The following LPP variants were observed in gnomAD, a reference collection of about 807,000 sequenced individuals.
LPP encodes LIM domain containing preferred translocation partner in lipoma.
Under a neutral mutation model 60.4 loss-of-function variants are expected in LPP, and 38 were observed. That is an observed-to-expected ratio of 0.63 (90% CI 0.49 to 0.83). LPP has a LOEUF of 0.83. Among genes scored for constraint, LPP ranks in the 40% least tolerant of loss-of-function variants. The pLI is 0.00. For missense variants in LPP, 902 were observed against 783.6 expected, an observed-to-expected ratio of 1.15 and a Z score of -1.80; for synonymous variants, 328 against 290.8, an observed-to-expected ratio of 1.13 and a Z score of -1.30.
At chr3:188,848,438 C>T (rs1324015220) in intron 9 of LPP, among the ~76,000 whole-genome samples, 1 of 152,176 alleles carries the variant, frequency 6.6e-6, no homozygotes, top group Non-Finnish European at 1.5e-5. Flanking sequence ...ATATTCATGT[C>T]GCACTCTTGC....
intron 9 of LPP, among the ~76,000 whole-genome samples, chr3:188,835,290 C>T (rs1301889202): frequency 7.7e-6 from 1 of 129,546 alleles, no homozygotes; most frequent in African/African-American, 2.9e-5. Context: ...AAAACTGTCT[C>T]TACTAAAAAT....
chr3:188,215,985 A>AT (rs1227200121), intron 1 of LPP, among the ~76,000 whole-genome samples: 1 of 152,192 alleles, frequency 6.6e-6, no homozygotes, highest in Non-Finnish European at 1.5e-5. Flanking sequence ...CCCATAGCTA[A>AT]ATTTAAAGCT....
intron 4 of LPP, among the ~76,000 whole-genome samples, chr3:188,464,997 A>G (rs1800017789): frequency 6.8e-6 from 1 of 146,112 alleles, no homozygotes; most frequent in Non-Finnish European, 1.5e-5. Context: ...AAAAAAAAAA[A>G]GCCCAAGCCC....
At chr3:188,504,045 C>T (rs1579427727) in intron 5 of LPP, among the ~76,000 whole-genome samples, 1 of 152,108 alleles carries the variant, frequency 6.6e-6, no homozygotes, top group South Asian at 2.1e-4. Context: ...TTCTCTCTGT[C>T]TCATACTTCT....
intron 9 of LPP, among the ~76,000 whole-genome samples, chr3:188,787,464 C>T (rs914354102): frequency 1.3e-5 from 2 of 151,906 alleles, no homozygotes; most frequent in Non-Finnish European, 2.9e-5. Context: ...GCTTTATTGT[C>T]TTTGCTCTAC....
chr3:188,521,343 T>C (rs1310640629), intron 5 of LPP, among the ~76,000 whole-genome samples: 1 of 152,104 alleles, frequency 6.6e-6, no homozygotes, highest in Non-Finnish European at 1.5e-5. Context: ...AACTAATTGA[T>C]GTCTTACAAG....
intron 4 of LPP, among the ~76,000 whole-genome samples, chr3:188,433,599 TGAGAGAGAGAGAGA>T (rs59204304): frequency 1.5e-5 from 2 of 137,450 alleles, no homozygotes; most frequent in Non-Finnish European, 3.1e-5. Flanking sequence ...AGACAGAAAG[TGAGAGAGAGAGAGA>T]GAGAGAGAGA....
intron 7 of LPP, among the ~76,000 whole-genome samples, chr3:188,671,467 A>G (rs1157453237): frequency 6.6e-6 from 1 of 152,176 alleles, no homozygotes; most frequent in Non-Finnish European, 1.5e-5. Flanking sequence ...ATTTTTTTCT[A>G]TGCAAATCAC....
chr3:188,165,343 G>A (rs1335023091), intron 1 of LPP, among the ~76,000 whole-genome samples: 4 of 152,128 alleles, frequency 2.6e-5, no homozygotes, highest in Non-Finnish European at 4.4e-5. Context: ...GGGAAACTCA[G>A]ATAAAGAGAT....
chr3:188,184,843 G>T (rs1726112428), intron 1 of LPP, among the ~76,000 whole-genome samples: 1 of 152,082 alleles, frequency 6.6e-6, no homozygotes, highest in African/African-American at 2.4e-5. Context: ...GTTGGGCAGG[G>T]CCTACCAGGA....
At chr3:188,864,188 C>G (rs952724921) in intron 9 of LPP, among the ~76,000 whole-genome samples, 2 of 152,124 alleles carry the variant, frequency 1.3e-5, no homozygotes, top group Non-Finnish European at 2.9e-5. Context: ...TAGACTGTGA[C>G]CAGAGGCATA....
At chr3:188,334,269 G>T (rs2150552632) in intron 2 of LPP, among the ~76,000 whole-genome samples, 1 of 151,700 alleles carries the variant, frequency 6.6e-6, no homozygotes, top group Admixed American at 6.6e-5. Context: ...CTGTTTATCT[G>T]TTGATGGATA....
intron 4 of LPP, among the ~76,000 whole-genome samples, chr3:188,436,758 T>C (rs1424493490): frequency 6.6e-6 from 1 of 152,116 alleles, no homozygotes; most frequent in Non-Finnish European, 1.5e-5. Flanking sequence ...AAAAAGAATA[T>C]ATATTTTAAG....
chr3:188,415,428 C>A (rs1785950943), intron 4 of LPP, among the ~76,000 whole-genome samples: 1 of 151,964 alleles, frequency 6.6e-6, no homozygotes, highest in South Asian at 2.1e-4. Context: ...CAAATATACC[C>A]TTTGGCATTT....
Position 188,398,450 on chromosome 3 carries a change from T to C in LPP, c.-9-7662T>C, listed in dbSNP as rs1268916617. ...AGCCTATATAAAGGTTTGGCATTTC[T>C]GTAGCGTTGTTCTCTCGTTACCTCT... On this transcript the variant is annotated intron_variant, in intron 3 of 11. Transcript: ENST00000617246. 3.9e-5 allele frequency among the ~76,000 whole-genome samples: 6 copies of C among 152,382 alleles called. No individual in the cohort carries two copies. The East Asian group carries it at 9.6e-4, about 24-fold the overall frequency.
rs113997474 is a variant in LPP, at chr3:188,880,816, C to T, written c.*6337C>T. 1.8e-3 allele frequency: 321 copies of T among 180,058 alleles called. 4 individuals are homozygous for T. The highest frequency in any genetic ancestry group is 6.4e-3 in the African/African-American group (272 of 42,458). The allele number at this position is 180,058 out of a possible 1,614,324, so 11.2% of individuals were successfully genotyped here. On this transcript the variant is annotated 3_prime_UTR_variant, in exon 12 of 12. Transcript: ENST00000617246. ...AAGCATCACCATGTCATCTTGTGTT[C>T]TACACCACTATAGAGAGTTACAGTT... is the stretch of plus-strand genomic sequence containing the variant.
intron 7 of LPP, among the ~76,000 whole-genome samples, chr3:188,622,466 G>A (rs547931987): frequency 1.1e-4 from 17 of 152,196 alleles, no homozygotes; most frequent in African/African-American, 4.1e-4. Flanking sequence ...CATTACCACA[G>A]CCAAGCATAT....
chr3:188,873,290 C>T (rs144813392), intron 11 of LPP, among the ~76,000 whole-genome samples: 176 of 152,240 alleles, frequency 1.2e-3, no homozygotes, highest in African/African-American at 4.0e-3. Context: ...CTGGATACCC[C>T]GTTAACTTAA....
chr3:188,361,545 C>CCTCTCCTCT (rs1560296422), intron 3 of LPP, among the ~76,000 whole-genome samples: 5 of 64,676 alleles, frequency 7.7e-5, no homozygotes, highest in East Asian at 8.3e-4. Context: ...TCCTCTCCTC[C>CCTCTCCTCT]CCTCTCCTCT....
Sources: allele counts gnomAD v4.1 joint callset (sites outside exome capture counted in the v4.1 genomes callset), GRCh38; gene constraint gnomAD v4.1.1; transcripts MANE v1.5; gene names NCBI Gene and HGNC (gene_info 2026-07-23, HGNC 2026-07-21).